Variants in ACSM6 observed in about 807,000 individuals in gnomAD.
ACSM6 encodes the protein acyl-coenzyme A synthetase ACSM6, mitochondrial.
A neutral mutation model predicts 51.1 loss-of-function variants in ACSM6; 35 were observed. The ratio of observed to expected loss-of-function variants is 0.69; its 90% CI spans 0.52 to 0.91. The LOEUF (loss-of-function observed/expected upper bound fraction) is 0.91, where lower values mean the gene tolerates loss of function less well. ACSM6 is among the 40% of genes least tolerant of loss of function. The probability of loss-of-function intolerance (pLI) is 0.00; values close to 1 mark genes in which losing one functional copy is unlikely to be tolerated. For synonymous variants in ACSM6, 172 were observed against 207.3 expected (o/e 0.83, Z 1.46); for missense variants, 509 against 584.1 (o/e 0.87, Z 1.32).
intron 9 of ACSM6, among the ~76,000 whole-genome samples, chr10:95,220,310 C>T (rs763568618): frequency 7.9e-5 from 12 of 152,118 alleles, no homozygotes; most frequent in South Asian, 4.2e-4. Flanking sequence ...CCATAATAAG[C>T]ATTCTGTACT....
chr10:95,210,307 T>A (rs1248229796), intron 4 of ACSM6, among the ~76,000 whole-genome samples: 1 of 152,112 alleles, frequency 6.6e-6, no homozygotes, highest in Non-Finnish European at 1.5e-5. Context: ...ATGGTTAGGA[T>A]GTGGCACAGA....
chr10:95,197,160 T>C (rs1051044529), intron 2 of ACSM6, among the ~76,000 whole-genome samples: 1 of 152,222 alleles, frequency 6.6e-6, no homozygotes, highest in African/African-American at 2.4e-5. Flanking sequence ...TTGTTTTTCA[T>C]TTGTACTAGT....
chr10:95,224,028 T>G (rs889956878), intron 9 of ACSM6, among the ~76,000 whole-genome samples: 5 of 152,090 alleles, frequency 3.3e-5, no homozygotes, highest in African/African-American at 1.2e-4. Context: ...AAAAATAAAA[T>G]TAATAGAACA....
At chr10:95,220,111 T>C in intron 9 of ACSM6, 140 bp downstream of exon 9, 1 of 660,728 alleles carries the variant, frequency 1.5e-6, no homozygotes, top group Non-Finnish European at 2.6e-6. Context: ...TCTCACATTA[T>C]TGCTTTTATT....
At chr10:95,228,853 A>T in exon 11 of ACSM6, 1 of 1,358,450 alleles carries the variant, frequency 7.4e-7, no homozygotes, top group Admixed American at 3.2e-5. Context: ...TGCTTCCAAT[A>T]CGTAGGAATT....
chr10:95,211,332 C>T (rs2034891061), intron 5 of ACSM6, among the ~76,000 whole-genome samples: 1 of 152,224 alleles, frequency 6.6e-6, no homozygotes, highest in Admixed American at 6.5e-5. Context: ...AAGTAGTTGG[C>T]TTGCACTTGT....
chr10:95,199,368 T>G (rs2034767687), intron 2 of ACSM6, among the ~76,000 whole-genome samples: 1 of 152,220 alleles, frequency 6.6e-6, no homozygotes, highest in South Asian at 2.1e-4. Flanking sequence ...GATTAAAGAC[T>G]TAAATGTTAG....
intron 9 of ACSM6, among the ~76,000 whole-genome samples, chr10:95,224,034 G>A (rs1401275623): frequency 1.3e-5 from 2 of 151,918 alleles, no homozygotes; most frequent in East Asian, 3.9e-4. Flanking sequence ...AAAATTAATA[G>A]AACAATCTCA....
intron 9 of ACSM6, among the ~76,000 whole-genome samples, chr10:95,221,432 A>G (rs1249359391): frequency 1.3e-5 from 2 of 152,160 alleles, no homozygotes; most frequent in Non-Finnish European, 2.9e-5. Flanking sequence ...ACAAAAATAC[A>G]AAAATTAGCC....
chr10:95,202,321 A>G (rs2034802753), intron 3 of ACSM6, 126 bp downstream of exon 3: 1 of 857,672 alleles, frequency 1.2e-6, no homozygotes, highest in African/African-American at 1.7e-5. Context: ...AGTGTGGGGG[A>G]TCTTTAAACA....
intron 2 of ACSM6, 78 bp downstream of exon 2, chr10:95,194,755 A>C: frequency 8.0e-7 from 1 of 1,257,174 alleles, no homozygotes; most frequent in Admixed American, 2.5e-5. Flanking sequence ...TGAGATTCAT[A>C]TCCCATCTAT....
intron 9 of ACSM6, among the ~76,000 whole-genome samples, chr10:95,225,066 G>A (rs1366220523): frequency 6.6e-6 from 1 of 152,228 alleles, no homozygotes; most frequent in African/African-American, 2.4e-5. Flanking sequence ...GTCAGAAGGT[G>A]TCAGAGTGGA....
chr10:95,215,377 C>T (rs2034934448), intron 8 of ACSM6, among the ~76,000 whole-genome samples: 1 of 152,116 alleles, frequency 6.6e-6, no homozygotes, highest in Non-Finnish European at 1.5e-5. Context: ...GATAAGAGCA[C>T]ATTTGAGGTT....
At chr10:95,196,700 CT>C (rs2034727919) in intron 2 of ACSM6, among the ~76,000 whole-genome samples, 1 of 152,210 alleles carries the variant, frequency 6.6e-6, no homozygotes, top group Non-Finnish European at 1.5e-5. Context: ...CCTCCAAACA[CT>C]ATGCTGTGAA....
chr10:95,225,780 T>G, intron 10 of ACSM6: 1 of 156,168 alleles, frequency 6.4e-6, no homozygotes, highest in Non-Finnish European at 1.4e-5. Flanking sequence ...TTCTCAATTG[T>G]ACTCAGATGT....
intron 8 of ACSM6, among the ~76,000 whole-genome samples, chr10:95,215,923 G>A (rs1247138768): frequency 6.6e-6 from 1 of 152,028 alleles, no homozygotes; most frequent in Non-Finnish European, 1.5e-5. Context: ...GTGTCTTTCA[G>A]TTTGTTTGTT....
intron 10 of ACSM6, among the ~76,000 whole-genome samples, chr10:95,227,080 G>A (rs555724214): frequency 2.5e-4 from 38 of 151,558 alleles, no homozygotes; most frequent in African/African-American, 7.0e-4. Flanking sequence ...TCCACCTCCC[G>A]GGTTCAAGCG....
At chr10:95,211,751 CTT>C in intron 5 of ACSM6, 125 bp from the exon 6 acceptor site, 1 of 1,026,046 alleles carries the variant, frequency 9.7e-7, no homozygotes, top group South Asian at 1.8e-5. Flanking sequence ...CATAAATAGG[CTT>C]TGCCTGTTTT....
chr10:95,194,825 A>T (rs958527440), intron 2 of ACSM6, 148 bp downstream of exon 2: 1 of 731,934 alleles, frequency 1.4e-6, no homozygotes. Context: ...GACTAAGAAC[A>T]TAGGCTTGAC....
Sources: allele counts gnomAD v4.1 joint callset (sites outside exome capture counted in the v4.1 genomes callset), GRCh38; gene constraint gnomAD v4.1.1; transcripts MANE v1.5; gene names NCBI Gene and HGNC (gene_info 2026-07-23, HGNC 2026-07-21).